CADM2: variants seen among roughly 807,000 people sequenced by gnomAD.
CADM2 encodes cell adhesion molecule 2.
CADM2 carries 12 observed loss-of-function variants against 49.8 expected under a neutral mutation model. That is an observed-to-expected ratio of 0.24 (90% CI 0.15 to 0.39). CADM2 has a LOEUF of 0.39. Among genes scored for constraint, CADM2 ranks in the 10% least tolerant of loss-of-function variants. The pLI is 1.00. For missense variants in CADM2, 378 were observed against 492.3 expected, an observed-to-expected ratio of 0.77 and a Z score of 2.20; for synonymous variants, 214 against 175.4, an observed-to-expected ratio of 1.22 and a Z score of -1.74.
At chr3:85,283,808 G>A (rs1424678576) in intron 1 of CADM2, among the ~76,000 whole-genome samples, 1 of 152,134 alleles carries the variant, frequency 6.6e-6, no homozygotes, top group African/African-American at 2.4e-5. Context: ...GCAAGGATTA[G>A]TGAGGAATTT....
At chr3:85,757,941 A>T (rs2069197955) in intron 2 of CADM2, among the ~76,000 whole-genome samples, 1 of 152,158 alleles carries the variant, frequency 6.6e-6, no homozygotes, top group African/African-American at 2.4e-5. Context: ...AGTTTTATAG[A>T]TTTCGCCAGG....
At position 85,696,476 on chromosome 3, in the gene CADM2, TC is replaced by T. The variant is rs539589994; in HGVS notation, c.62-30045del. ...AGAGATAGGGGCTTGGTTTCATTCT[TC>T]TGCATATGGCTATCCAATTTTCCCA... On this transcript the variant is annotated intron_variant, in intron 1 of 9. Coordinates refer to ENST00000383699, the MANE Select transcript of CADM2 (RefSeq NM_001167675.2). Among the ~76,000 whole-genome samples the T allele has an allele frequency of 6.6e-5, 10 of 152,222 alleles. No homozygotes were observed. The East Asian group carries it at 1.9e-3, about 29-fold the overall frequency.
At chr3:85,724,668 C>G (rs1161319936) in intron 1 of CADM2, among the ~76,000 whole-genome samples, 1 of 151,732 alleles carries the variant, frequency 6.6e-6, no homozygotes, top group African/African-American at 2.4e-5. Flanking sequence ...CTTCTGGAAA[C>G]AAAATGCACA....
intron 1 of CADM2, among the ~76,000 whole-genome samples, chr3:85,408,750 C>T (rs2035521185): frequency 6.6e-6 from 1 of 152,172 alleles, no homozygotes; most frequent in Non-Finnish European, 1.5e-5. Flanking sequence ...TCCCTCACAT[C>T]TGAAGGAGCA....
chr3:85,358,174 C>T (rs551658158), intron 1 of CADM2, among the ~76,000 whole-genome samples: 95 of 152,122 alleles, frequency 6.2e-4, no homozygotes, highest in Admixed American at 1.2e-3. Context: ...TGGCTTCTAC[C>T]ACCTAGATGC....
intron 1 of CADM2, among the ~76,000 whole-genome samples, chr3:85,707,058 C>T (rs2107726489): frequency 6.6e-6 from 1 of 152,190 alleles, no homozygotes; most frequent in African/African-American, 2.4e-5. Flanking sequence ...CCTCAGCCTC[C>T]CGGGCTCAAG....
At chr3:85,783,834 A>G (rs1028548688) in intron 2 of CADM2, among the ~76,000 whole-genome samples, 3 of 152,128 alleles carry the variant, frequency 2.0e-5, no homozygotes, top group African/African-American at 7.2e-5. Context: ...TGACCCTCAA[A>G]CTTGAGAAGT....
chr3:85,391,004 CCTAGG>C (rs2034491854), intron 1 of CADM2, among the ~76,000 whole-genome samples: 3 of 152,048 alleles, frequency 2.0e-5, no homozygotes, highest in Non-Finnish European at 4.4e-5. Context: ...CATCTAGACA[CCTAGG>C]AATAATCTGG....
At chr3:86,017,770 T>A in intron 8 of CADM2, among the ~76,000 whole-genome samples, 1 of 150,686 alleles carries the variant, frequency 6.6e-6, no homozygotes, top group Non-Finnish European at 1.5e-5. Flanking sequence ...AAGGGATTTC[T>A]TTTGTGTGCT....
chr3:86,058,853 G>A (rs1738295207), intron 8 of CADM2, among the ~76,000 whole-genome samples: 1 of 151,684 alleles, frequency 6.6e-6, no homozygotes, highest in Non-Finnish European at 1.5e-5. Context: ...TAGCACTTTG[G>A]GAGGCCTAAG....
At chr3:85,389,327 G>T (rs985654880) in intron 1 of CADM2, among the ~76,000 whole-genome samples, 1 of 152,110 alleles carries the variant, frequency 6.6e-6, no homozygotes, top group African/African-American at 2.4e-5. Context: ...TATGGAAAAT[G>T]CTGAACAGCA....
At position 86,065,650 on chromosome 3, in the gene CADM2, T is replaced by C. The variant is rs1230785696; in HGVS notation, c.1016T>C (p.Ile339Thr). 1 of 1,613,966 alleles carries C rather than the reference T, an allele frequency of 6.2e-7. No homozygotes were observed. The highest frequency in any genetic ancestry group is 8.5e-7 in the Non-Finnish European group (1 of 1,179,894). Residue 339 changes from isoleucine to threonine, a missense_variant, in exon 9 of 10, where the codon ATA (isoleucine) becomes ACA (threonine). Ile to Thr is a moderately conservative substitution (Grantham distance 89). Coordinates refer to ENST00000383699, the MANE Select transcript of CADM2 (RefSeq NM_001167675.2). ...AGQNGPDHALIGGIVAVVVFV... is the reference protein window; with the variant it reads ...AGQNGPDHALTGGIVAVVVFV... Reference sequence around the variant, plus strand: ...CAGAATGGCCCTGACCATGCTCTCATAGGAGGAATAGTGGCTGTAGTTGTA... The same window carrying C: ...CAGAATGGCCCTGACCATGCTCTCACAGGAGGAATAGTGGCTGTAGTTGTA...
chr3:85,987,821 T>C (rs1487091537), intron 8 of CADM2, among the ~76,000 whole-genome samples: 1 of 151,566 alleles, frequency 6.6e-6, no homozygotes, highest in Non-Finnish European at 1.5e-5. Flanking sequence ...ATATTCTACA[T>C]ATATAAGTAA....
chr3:85,846,973 T>C (rs2074910026), intron 3 of CADM2, among the ~76,000 whole-genome samples: 1 of 152,198 alleles, frequency 6.6e-6, no homozygotes, highest in Non-Finnish European at 1.5e-5. Flanking sequence ...ATTAAGATGG[T>C]ATCTGCTTAA....
chr3:85,223,280 A>G (rs2042080651), intron 1 of CADM2, among the ~76,000 whole-genome samples: 1 of 152,114 alleles, frequency 6.6e-6, no homozygotes. Flanking sequence ...TTCAGCATAT[A>G]CTCTGTGGGG....
intron 1 of CADM2, among the ~76,000 whole-genome samples, chr3:85,344,493 G>C (rs920474766): frequency 6.6e-6 from 1 of 151,798 alleles, no homozygotes; most frequent in Non-Finnish European, 1.5e-5. Context: ...AGACCAGGGG[G>C]GTGTTTGTAG....
At chr3:85,671,537 T>C (rs2065735393) in intron 1 of CADM2, among the ~76,000 whole-genome samples, 1 of 152,202 alleles carries the variant, frequency 6.6e-6, no homozygotes, top group Non-Finnish European at 1.5e-5. Flanking sequence ...GAAAACTAGA[T>C]GACCTAACTT....
chr3:85,399,012 TC>T (rs1238140600), intron 1 of CADM2, among the ~76,000 whole-genome samples: 1 of 152,202 alleles, frequency 6.6e-6, no homozygotes, highest in Non-Finnish European at 1.5e-5. Flanking sequence ...TTTAATTAGA[TC>T]CCATTTGTCA....
chr3:85,893,947 C>T (rs759362635), intron 5 of CADM2, among the ~76,000 whole-genome samples: 1 of 152,186 alleles, frequency 6.6e-6, no homozygotes, highest in Non-Finnish European at 1.5e-5. Context: ...GGCGATTCCT[C>T]AGGGATCTAG....
Sources: gnomAD v4.1 joint callset for allele counts (sites outside exome capture counted in the v4.1 genomes callset) on GRCh38, gnomAD v4.1.1 for gene constraint, MANE v1.5 for transcripts, NCBI Gene and HGNC (gene_info 2026-07-23, HGNC 2026-07-21) for gene names.